CANX: variants seen among roughly 807,000 people sequenced by gnomAD.
CANX encodes the protein calnexin.
CANX carries 14 observed loss-of-function variants against 75.7 expected under a neutral mutation model. The observed-to-expected ratio is 0.19, with a 90% CI of 0.12 to 0.29. The LOEUF (loss-of-function observed/expected upper bound fraction) is 0.29, where lower values mean the gene tolerates loss of function less well. Ranked by LOEUF, CANX falls within the 10% of genes least tolerant of loss-of-function variation. The probability of loss-of-function intolerance (pLI) is 1.00; values close to 1 mark genes in which losing one functional copy is unlikely to be tolerated. For synonymous variants in CANX, 227 were observed against 236.9 expected, an observed-to-expected ratio of 0.96 and a Z score of 0.38; for missense variants, 567 against 713.2, an observed-to-expected ratio of 0.79 and a Z score of 2.34.
chr5:179,713,333 A>G (rs573588060), intron 7 of CANX, among the ~76,000 whole-genome samples: 3 of 152,286 alleles, frequency 2.0e-5, no homozygotes, highest in Admixed American at 6.5e-5. Flanking sequence ...CGGCCTCCCA[A>G]AGTGCTAGGA....
chr5:179,714,985 G>C (rs1285382561), intron 7 of CANX, among the ~76,000 whole-genome samples: 2 of 151,644 alleles, frequency 1.3e-5, no homozygotes, highest in Non-Finnish European at 2.9e-5. Context: ...GGCTGGTCTC[G>C]AACTCCTGGC....
chr5:179,710,914 G>T (rs761083605), intron 7 of CANX, among the ~76,000 whole-genome samples: 8 of 151,550 alleles, frequency 5.3e-5, no homozygotes, highest in South Asian at 4.2e-4. Flanking sequence ...TTAGCTGGGC[G>T]TGGTGTTGAG....
chr5:179,697,846 C>T (rs1439613008), upstream of CANX, among the ~76,000 whole-genome samples: 1 of 152,086 alleles, frequency 6.6e-6, no homozygotes, highest in Non-Finnish European at 1.5e-5. Flanking sequence ...TAAGATCGCA[C>T]CACTAGACTC....
intron 1 of CANX, among the ~76,000 whole-genome samples, chr5:179,684,484 T>C (rs11249656): frequency 0.41 from 60,904 of 149,280 alleles, 12,439 homozygotes; most frequent in South Asian, 0.55. Context: ...GGACTACAGG[T>C]GCCCGCCACC....
At chr5:179,689,680 A>C (rs993663503) in intron 1 of CANX, among the ~76,000 whole-genome samples, 1 of 151,936 alleles carries the variant, frequency 6.6e-6, no homozygotes, top group Non-Finnish European at 1.5e-5. Flanking sequence ...GTGAGCCACC[A>C]CACCCGGCCT....
chr5:179,723,930 G>A, intron 12 of CANX, 151 bp downstream of exon 12: 3 of 644,020 alleles, frequency 4.7e-6, no homozygotes, highest in Non-Finnish European at 7.7e-6. Flanking sequence ...CTTACTTACT[G>A]TTCCTCAGTG....
intron 10 of CANX, 22 bp from the exon 11 acceptor site, chr5:179,722,782 T>A: frequency 6.5e-7 from 1 of 1,538,328 alleles, no homozygotes; most frequent in Non-Finnish European, 9.0e-7. Flanking sequence ...GAAATGATTT[T>A]CTGAAACATT....
chr5:179,686,246 C>T (rs28846185), intron 1 of CANX, among the ~76,000 whole-genome samples: 59,331 of 150,670 alleles, frequency 0.39, 11,738 homozygotes, highest in South Asian at 0.55. Context: ...TACAGGCACG[C>T]GCCACCACAC....
rs1004526357 is a variant in CANX at position 179,719,476 on chromosome 5, T to C, written c.912-192T>C. 2.6e-5 allele frequency among the ~76,000 whole-genome samples: 4 copies of C among 152,254 alleles called. No individual in the cohort carries two copies. The East Asian group carries it at 5.8e-4, about 22-fold the overall frequency. On this transcript the variant is annotated intron_variant, in intron 8 of 14. Transcript: ENST00000247461. Reference sequence around the variant, plus strand: ...CCATTTTTAAATTGGGTTGTCTTTATATTATTGAGTTGTAAAGAGTTATTT... The same window carrying C: ...CCATTTTTAAATTGGGTTGTCTTTACATTATTGAGTTGTAAAGAGTTATTT...
Position 179,716,386 on chromosome 5 carries a change from A to G in CANX, c.911+92A>G, listed in dbSNP as rs375247720. The stretch of plus-strand genomic sequence containing the variant: ...CGAAATGTTGGTTGAGTAAGCTCTG[A>G]TAATTTCAGTAATCCATGATGCAGT... On this transcript the variant is annotated intron_variant, in intron 8 of 14. Coordinates refer to ENST00000247461, the MANE Select transcript of CANX (RefSeq NM_001746.4). The G allele has an allele frequency of 4.9e-4, 419 of 862,684 alleles. 4 individuals carry two copies. In the South Asian group the frequency reaches 6.6e-3, roughly 14 times the overall value. The allele number at this position is 862,684 out of a possible 1,614,324, so 53.4% of individuals were successfully genotyped here.
chr5:179,694,917 A>G (rs1471087361), upstream of CANX: 4 of 302,600 alleles, frequency 1.3e-5, no homozygotes, highest in Non-Finnish European at 1.2e-5. Flanking sequence ...GAGACAAGCT[A>G]TGAGAAGAAG....
intron 1 of CANX, among the ~76,000 whole-genome samples, chr5:179,686,478 C>G (rs1776192753): frequency 6.7e-6 from 1 of 150,244 alleles, no homozygotes; most frequent in Admixed American, 6.7e-5. Context: ...TGCAGTTTTT[C>G]TTGTTGTTAT....
At chr5:179,722,747 C>A in intron 10 of CANX, 57 bp from the exon 11 acceptor site, 1 of 1,232,908 alleles carries the variant, frequency 8.1e-7, no homozygotes, top group Non-Finnish European at 1.2e-6. Context: ...GTAGATTCAC[C>A]ATAAACTTTT....
At chr5:179,724,043 T>TA (rs1403470714) in intron 12 of CANX, among the ~76,000 whole-genome samples, 116 of 150,734 alleles carry the variant, frequency 7.7e-4, no homozygotes, top group African/African-American at 2.4e-3. Context: ...AGCAACTTTC[T>TA]AAAAAAAAAC....
At chr5:179,695,776 G>C (rs1368051712), upstream of CANX, among the ~76,000 whole-genome samples, 1 of 151,532 alleles carries the variant, frequency 6.6e-6, no homozygotes, top group Admixed American at 6.6e-5. Flanking sequence ...TCAGCCTCCC[G>C]AGTAGCTGGG....
intron 10 of CANX, among the ~76,000 whole-genome samples, chr5:179,721,897 A>G (rs2113254062): frequency 6.6e-6 from 1 of 152,266 alleles, no homozygotes; most frequent in Non-Finnish European, 1.5e-5. Context: ...TTGGCATAGT[A>G]TATGTATATA....
At position 179,708,954 on chromosome 5, in the gene CANX, T is replaced by G. The variant is rs111374658; in HGVS notation, c.447-24T>G. On this transcript the variant is annotated intron_variant, in intron 5 of 14. Transcript: ENST00000247461. Reference sequence around the variant, plus strand: ...CGATCTTTCAAAATGCCATACAGTTTTCTGCTTTTCTCTCTGATATTAGGT... The same window carrying G: ...CGATCTTTCAAAATGCCATACAGTTGTCTGCTTTTCTCTCTGATATTAGGT... 55,492 of 1,223,642 alleles carry G rather than the reference T, an allele frequency of 0.045. 1,492 individuals are homozygous for G. The highest frequency in any genetic ancestry group is 0.073 in the Middle Eastern group (387 of 5,292). 75.8% of individuals were successfully genotyped at this position (1,223,642 alleles called of 1,614,324 possible). A position where few individuals can be genotyped will look rare whatever the true frequency, so the allele number is the denominator to read the frequency against.
At chr5:179,702,081 G>A (rs1776806212) in intron 1 of CANX, among the ~76,000 whole-genome samples, 1 of 151,850 alleles carries the variant, frequency 6.6e-6, no homozygotes, top group East Asian at 1.9e-4. Context: ...TCTTCATCAG[G>A]CTGGAGTGCA....
At chr5:179,709,721 C>T in intron 6 of CANX, 152 bp from the exon 7 acceptor site, 3 of 524,042 alleles carry the variant, frequency 5.7e-6, no homozygotes, top group Non-Finnish European at 3.3e-6. Context: ...CTGGTTATTC[C>T]TTTTTACTAA....
Sources: gnomAD v4.1 joint callset for allele counts (sites outside exome capture counted in the v4.1 genomes callset) on GRCh38, gnomAD v4.1.1 for gene constraint, MANE v1.5 for transcripts, NCBI Gene and HGNC (gene_info 2026-07-23, HGNC 2026-07-21) for gene names.